The following ZC3H12B variants were observed in gnomAD, a reference collection of about 807,000 sequenced individuals.
The protein encoded by ZC3H12B is probable ribonuclease ZC3H12B.
A neutral mutation model predicts 43.9 loss-of-function variants in ZC3H12B; 7 were observed. The observed-to-expected ratio is 0.16, with a 90% CI of 0.09 to 0.30. The LOEUF (loss-of-function observed/expected upper bound fraction) is 0.30. Among genes scored for constraint, ZC3H12B ranks in the 10% least tolerant of loss-of-function variants. The pLI is 1.00. For synonymous variants in ZC3H12B, 222 were observed against 241.7 expected, an observed-to-expected ratio of 0.92 and a Z score of 0.76; for missense variants, 475 against 670.2, an observed-to-expected ratio of 0.71 and a Z score of 3.22.
the ZC3H12B span, among the ~76,000 whole-genome samples, chrX:65,057,978 A>G: frequency 9.0e-6 from 1 of 111,535 alleles, no homozygotes; most frequent in Non-Finnish European, 1.9e-5. Flanking sequence ...CTGGTTAGCC[A>G]TTCGTCCAAT....
the ZC3H12B span, among the ~76,000 whole-genome samples, chrX:65,229,021 T>C: frequency 9.0e-6 from 1 of 110,947 alleles, no homozygotes; most frequent in Non-Finnish European, 1.9e-5. Context: ...TTCACAGAAT[T>C]GGAAAAAACT....
the ZC3H12B span, among the ~76,000 whole-genome samples, chrX:65,205,657 G>T: frequency 9.0e-6 from 1 of 111,453 alleles, no homozygotes; most frequent in Non-Finnish European, 1.9e-5. Flanking sequence ...CTTCAACATA[G>T]TACTGGAAGT....
chrX:65,426,945 G>A (rs867919542), intron 3 of ZC3H12B, among the ~76,000 whole-genome samples: 2 of 111,709 alleles, frequency 1.8e-5, no homozygotes, highest in Admixed American at 9.5e-5. Context: ...TGTTGCTTTT[G>A]GGTGGAGAGT....
At chrX:65,133,343 C>T in the ZC3H12B span, among the ~76,000 whole-genome samples, 1 of 109,505 alleles carries the variant, frequency 9.1e-6, no homozygotes, top group African/African-American at 3.3e-5. Flanking sequence ...TTTCTAATGT[C>T]GGGAGTGGAT....
At chrX:65,189,259 G>A in the ZC3H12B span, among the ~76,000 whole-genome samples, 11 of 99,833 alleles carry the variant, frequency 1.1e-4, no homozygotes, top group East Asian at 6.3e-4. Context: ...ATAAACATAC[G>A]TGTGCATGTG....
chrX:65,285,890 A>C, the ZC3H12B span, among the ~76,000 whole-genome samples: 2 of 111,845 alleles, frequency 1.8e-5, no homozygotes, highest in Non-Finnish European at 3.8e-5. Flanking sequence ...TATAGAAAAC[A>C]ACCAAAAATA....
chrX:65,070,253 A>G, the ZC3H12B span, among the ~76,000 whole-genome samples: 1 of 110,370 alleles, frequency 9.1e-6, no homozygotes, highest in South Asian at 3.8e-4. Context: ...GTAGCTCCTG[A>G]TGGTTATTTT....
intron 3 of ZC3H12B, chrX:65,469,530 C>G (rs2067876917): frequency 6.2e-6 from 2 of 324,228 alleles, no homozygotes; most frequent in Non-Finnish European, 1.2e-5. Context: ...GCATGTTGCT[C>G]TCGTGCTTTG....
intron 2 of ZC3H12B, among the ~76,000 whole-genome samples, chrX:65,497,661 G>T (rs1450834527): frequency 9.0e-6 from 1 of 111,487 alleles, no homozygotes; most frequent in African/African-American, 3.3e-5. Flanking sequence ...TGCAAATTAG[G>T]GAATAAAATA....
At chrX:65,064,527 T>C in the ZC3H12B span, among the ~76,000 whole-genome samples, 1 of 112,168 alleles carries the variant, frequency 8.9e-6, no homozygotes, top group Non-Finnish European at 1.9e-5. Flanking sequence ...CTTTGTCTTA[T>C]GTTTTCCATT....
chrX:65,399,437 A>G (rs2066738773), intron 3 of ZC3H12B, among the ~76,000 whole-genome samples: 1 of 112,062 alleles, frequency 8.9e-6, no homozygotes, highest in Non-Finnish European at 1.9e-5. Flanking sequence ...AAGGTGCTCA[A>G]TATCATTGAT....
the ZC3H12B span, among the ~76,000 whole-genome samples, chrX:65,265,043 G>T: frequency 1.7e-4 from 19 of 111,668 alleles, no homozygotes; most frequent in Non-Finnish European, 3.0e-4. Flanking sequence ...TCCTCTCTGC[G>T]ATTAAGACAG....
At chrX:65,147,410 G>A in the ZC3H12B span, among the ~76,000 whole-genome samples, 1 of 111,601 alleles carries the variant, frequency 9.0e-6, no homozygotes, top group African/African-American at 3.3e-5. Flanking sequence ...GTGTGTGGTT[G>A]GGCTCAGAGC....
the ZC3H12B span, among the ~76,000 whole-genome samples, chrX:65,104,782 A>G: frequency 8.9e-6 from 1 of 111,944 alleles, no homozygotes; most frequent in Non-Finnish European, 1.9e-5. Context: ...GTAGAGAAAT[A>G]GGAATGGTTG....
chrX:65,212,015 A>G, the ZC3H12B span, among the ~76,000 whole-genome samples: 1 of 66,391 alleles, frequency 1.5e-5, no homozygotes, highest in South Asian at 9.7e-4. Context: ...ACTATATAAT[A>G]TATAATATAT....
chrX:65,310,120 A>G, the ZC3H12B span, among the ~76,000 whole-genome samples: 9,237 of 111,699 alleles, frequency 0.083, 1,025 homozygotes, highest in African/African-American at 0.29. Flanking sequence ...CACCACTCCT[A>G]TTCAACATAG....
the ZC3H12B span, among the ~76,000 whole-genome samples, chrX:65,065,348 A>G: frequency 1.8e-5 from 2 of 111,373 alleles, no homozygotes; most frequent in East Asian, 2.8e-4. Flanking sequence ...TTGTGACAAA[A>G]TCTCTCAGCA....
intron 2 of ZC3H12B, among the ~76,000 whole-genome samples, chrX:65,497,874 G>C (rs1233100690): frequency 8.9e-6 from 1 of 111,746 alleles, no homozygotes; most frequent in African/African-American, 3.3e-5. Context: ...GCTTTATACT[G>C]AAGCAATTGA....
chrX:65,372,405 T>C (rs764421719), intron 2 of ZC3H12B, among the ~76,000 whole-genome samples: 1 of 109,291 alleles, frequency 9.1e-6, no homozygotes, highest in African/African-American at 3.3e-5. Context: ...ACTGACATCA[T>C]GGGGCTTTCA....
Sources: gnomAD v4.1 joint callset for allele counts (sites outside exome capture counted in the v4.1 genomes callset) on GRCh38, gnomAD v4.1.1 for gene constraint, MANE v1.5 for transcripts, NCBI Gene and HGNC (gene_info 2026-07-23, HGNC 2026-07-21) for gene names.